The following ADAMTSL3 variants were observed in gnomAD, a reference collection of about 807,000 sequenced individuals.
ADAMTSL3 encodes ADAMTS like 3, also known as ADAMTS-like protein 3.
ADAMTSL3 carries 128 observed loss-of-function variants against 201.7 expected under a neutral mutation model. That is an observed-to-expected ratio of 0.63 (90% CI 0.55 to 0.73). The LOEUF is 0.73. ADAMTSL3 is among the 30% of genes least tolerant of loss of function. The pLI is 0.00. For missense variants in ADAMTSL3, 1,990 were observed against 2,119.6 expected, an observed-to-expected ratio of 0.94 and a Z score of 1.20; for synonymous variants, 738 against 748.4, an observed-to-expected ratio of 0.99 and a Z score of 0.23.
At chr15:83,941,669 AT>A (rs2066563332) in intron 17 of ADAMTSL3, among the ~76,000 whole-genome samples, 1 of 152,190 alleles carries the variant, frequency 6.6e-6, no homozygotes, top group East Asian at 1.9e-4. Flanking sequence ...ATTTTCTGCT[AT>A]ATTGTTAAAC....
chr15:83,887,270 C>A (rs746815892), intron 10 of ADAMTSL3, among the ~76,000 whole-genome samples: 2 of 152,138 alleles, frequency 1.3e-5, no homozygotes, highest in African/African-American at 4.8e-5. Flanking sequence ...CTGTGTTATT[C>A]CTGCACTGTT....
chr15:83,657,992 C>A (rs1383836906), intron 2 of ADAMTSL3, among the ~76,000 whole-genome samples: 1 of 152,214 alleles, frequency 6.6e-6, no homozygotes, highest in East Asian at 1.9e-4. Flanking sequence ...TCCCTGGCGT[C>A]TACCCTTGCT....
chr15:83,682,644 G>A (rs1596019850), intron 2 of ADAMTSL3, among the ~76,000 whole-genome samples: 2 of 152,306 alleles, frequency 1.3e-5, no homozygotes, highest in East Asian at 1.9e-4. Context: ...TAAAGGGTAA[G>A]GAGATTCAGT....
intron 2 of ADAMTSL3, among the ~76,000 whole-genome samples, chr15:83,670,258 C>CAAA (rs60947988): frequency 1.3e-3 from 81 of 64,412 alleles, no homozygotes; most frequent in Non-Finnish European, 1.6e-3. Flanking sequence ...ACTCTGTCTC[C>CAAA]AAAAAAAAAA....
intron 3 of ADAMTSL3, among the ~76,000 whole-genome samples, chr15:83,729,850 A>T (rs1489035565): frequency 6.6e-6 from 1 of 151,904 alleles, no homozygotes; most frequent in Non-Finnish European, 1.5e-5. Flanking sequence ...GAAGAGTTGG[A>T]TATTTATTGT....
intron 6 of ADAMTSL3, among the ~76,000 whole-genome samples, chr15:83,833,115 A>G (rs940082627): frequency 1.3e-5 from 2 of 152,224 alleles, no homozygotes; most frequent in Admixed American, 6.5e-5. Context: ...TACAGTATTT[A>G]TTCCCCACTT....
chr15:83,759,194 T>C (rs982213897), intron 3 of ADAMTSL3, among the ~76,000 whole-genome samples: 4 of 152,126 alleles, frequency 2.6e-5, no homozygotes, highest in African/African-American at 9.7e-5. Flanking sequence ...TACCCAGAAG[T>C]AACTCATGTT....
chr15:83,668,880 A>AT (rs1272170263), intron 2 of ADAMTSL3, among the ~76,000 whole-genome samples: 7 of 151,896 alleles, frequency 4.6e-5, no homozygotes, highest in South Asian at 2.1e-4. Context: ...ACCAGAACAT[A>AT]TTTTTTTTCT....
At chr15:84,002,936 CTTTTT>C (rs368176543) in intron 23 of ADAMTSL3, among the ~76,000 whole-genome samples, 3 of 99,984 alleles carry the variant, frequency 3.0e-5, no homozygotes, top group Admixed American at 1.3e-4. Flanking sequence ...CTTTTCTTTT[CTTTTT>C]TTTTTTTTTT....
chr15:83,663,680 C>T (rs1040115331), intron 2 of ADAMTSL3, among the ~76,000 whole-genome samples: 3 of 152,184 alleles, frequency 2.0e-5, no homozygotes, highest in African/African-American at 7.2e-5. Flanking sequence ...TGACCTTGTC[C>T]CCCAAGTGAT....
chr15:83,664,402 T>G (rs1229714649), intron 2 of ADAMTSL3, among the ~76,000 whole-genome samples: 1 of 152,146 alleles, frequency 6.6e-6, no homozygotes, highest in Non-Finnish European at 1.5e-5. Flanking sequence ...AGAATGTTCC[T>G]TGGTGGTGTC....
chr15:83,881,949 C>T (rs376404341), intron 9 of ADAMTSL3, among the ~76,000 whole-genome samples: 6 of 152,002 alleles, frequency 3.9e-5, no homozygotes, highest in East Asian at 1.9e-4. Flanking sequence ...ATCAGGAGAT[C>T]GAGACCATCC....
chr15:84,036,674 G>C, intron 28 of ADAMTSL3, 99 bp from the exon 29 acceptor site: 1 of 833,638 alleles, frequency 1.2e-6, no homozygotes, highest in Non-Finnish European at 1.8e-6. Context: ...CCTTTAATAC[G>C]TAGTATAGAG....
At chr15:84,034,909 A>G (rs1293339517) in intron 28 of ADAMTSL3, among the ~76,000 whole-genome samples, 1 of 152,218 alleles carries the variant, frequency 6.6e-6, no homozygotes, top group Non-Finnish European at 1.5e-5. Flanking sequence ...CTTCATGTAG[A>G]AAAACACATG....
intron 26 of ADAMTSL3, 56 bp from the exon 27 acceptor site, chr15:84,025,182 C>T: frequency 4.8e-6 from 7 of 1,456,358 alleles, no homozygotes; most frequent in Non-Finnish European, 4.6e-6. Flanking sequence ...ATGAGACGCC[C>T]CCTCTAAGAT....
chr15:83,771,352 T>C (rs2062981029), intron 3 of ADAMTSL3, among the ~76,000 whole-genome samples: 1 of 152,166 alleles, frequency 6.6e-6, no homozygotes, highest in African/African-American at 2.4e-5. Flanking sequence ...ACAGTATTGG[T>C]AATTATAAGT....
intron 2 of ADAMTSL3, chr15:83,694,426 C>G (rs981569144): frequency 6.6e-6 from 1 of 152,120 alleles, no homozygotes; most frequent in Non-Finnish European, 1.5e-5. Context: ...GTTTTTTTCT[C>G]TAGCAATGGA....
At chr15:83,933,520 AT>A (rs2066400590) in intron 17 of ADAMTSL3, among the ~76,000 whole-genome samples, 1 of 152,228 alleles carries the variant, frequency 6.6e-6, no homozygotes, top group Non-Finnish European at 1.5e-5. Flanking sequence ...AGTTTAGAAA[AT>A]TTGCAGCCTG....
At chr15:83,816,174 A>G (rs1338732470) in intron 5 of ADAMTSL3, among the ~76,000 whole-genome samples, 1 of 152,228 alleles carries the variant, frequency 6.6e-6, no homozygotes, top group Non-Finnish European at 1.5e-5. Flanking sequence ...TACCGAATTC[A>G]TTCTTCTTTG....
Sources: gnomAD v4.1 joint callset for allele counts (sites outside exome capture counted in the v4.1 genomes callset) on GRCh38, gnomAD v4.1.1 for gene constraint, MANE v1.5 for transcripts, NCBI Gene and HGNC (gene_info 2026-07-23, HGNC 2026-07-21) for gene names.